FHOD3: variants seen among roughly 807,000 people sequenced by gnomAD.
The protein encoded by FHOD3 is FH1/FH2 domain-containing protein 3.
FHOD3 carries 90 observed loss-of-function variants against 173.0 expected under a neutral mutation model. The observed-to-expected ratio is 0.52, with a 90% CI of 0.44 to 0.62. FHOD3 has a LOEUF of 0.62. FHOD3 is among the 20% of genes least tolerant of loss of function. The pLI is 0.00. For missense variants in FHOD3, 1,945 were observed against 2,034.7 expected (o/e 0.96, Z 0.85); for synonymous variants, 828 against 823.0 (o/e 1.01, Z -0.10).
intron 19 of FHOD3, among the ~76,000 whole-genome samples, chr18:36,723,511 A>G (rs138716010): frequency 6.6e-6 from 1 of 152,132 alleles, no homozygotes; most frequent in African/African-American, 2.4e-5. Context: ...CATCCTTGTA[A>G]CTGTCACTTT....
At chr18:36,762,932 CATTATATATAATATGT>C in intron 27 of FHOD3, among the ~76,000 whole-genome samples, 1 of 145,252 alleles carries the variant, frequency 6.9e-6, no homozygotes, top group Non-Finnish European at 1.5e-5. Context: ...GTATTATATA[CATTATATATAATATGT>C]GTATTATATA....
chr18:36,709,223 C>T lies in FHOD3; in HGVS notation c.2365C>T (p.Gln789Ter). The change falls in exon 18 of 29, where the codon CAG (glutamine) becomes TAG (stop). Residue 789 changes from glutamine (Q) to a stop codon, truncating the protein, a stop_gained. Coordinates refer to ENST00000590592, the MANE Select transcript of FHOD3 (RefSeq NM_001281740.3). LOFTEE classifies it high-confidence loss of function. ...AHEGAETEVEQALEQEPEERA... is the reference protein window; with the variant it reads ...AHEGAETEVE ...CGAGGGTGCAGAGACTGAAGTGGAG[C>T]AGGCACTAGAGCAAGAGCCGGAAGA... 1.9e-6 allele frequency: 3 copies of T among 1,614,156 alleles called. No homozygotes were observed. The highest frequency in any genetic ancestry group is 2.5e-6 in the Non-Finnish European group (3 of 1,180,044).
At chr18:36,408,383 G>A (rs913059736) in intron 3 of FHOD3, among the ~76,000 whole-genome samples, 3 of 152,152 alleles carry the variant, frequency 2.0e-5, no homozygotes, top group Admixed American at 1.3e-4. Flanking sequence ...CATGCCCCAC[G>A]GGGAGGAGTG....
intron 1 of FHOD3, among the ~76,000 whole-genome samples, chr18:36,322,239 C>A (rs1000793365): frequency 1.3e-5 from 2 of 152,116 alleles, no homozygotes; most frequent in Admixed American, 1.3e-4. Context: ...CTGGATGGCA[C>A]AGCCCTAGAA....
At position 36,469,953 on chromosome 18, in the gene FHOD3, A is replaced by G. The variant is rs1029461413; in HGVS notation, c.338-31979A>G. On this transcript the variant is annotated intron_variant, in intron 3 of 28. Transcript: ENST00000590592. The stretch of plus-strand genomic sequence containing the variant: ...CCTGATCTATGTAATTATGGAATGC[A>G]TATGTGTGGGAAGGAGTCTTTGGAA... Among the ~76,000 whole-genome samples the G allele has an allele frequency of 3.3e-5, 5 of 152,322 alleles. No homozygotes were observed. The East Asian group carries it at 9.6e-4, about 29-fold the overall frequency.
At chr18:36,701,209 T>G (rs1236307802) in intron 17 of FHOD3, among the ~76,000 whole-genome samples, 1 of 152,136 alleles carries the variant, frequency 6.6e-6, no homozygotes. Context: ...AGGAAGAAAT[T>G]TATTACATGA....
chr18:36,376,710 C>T (rs1452729768), intron 3 of FHOD3, among the ~76,000 whole-genome samples: 16 of 152,210 alleles, frequency 1.1e-4, no homozygotes, highest in Non-Finnish European at 1.5e-5. Flanking sequence ...TGCCAGTTTC[C>T]AGCAACAGAA....
intron 14 of FHOD3, among the ~76,000 whole-genome samples, chr18:36,674,069 A>G (rs528010288): frequency 5.9e-5 from 9 of 152,328 alleles, no homozygotes; most frequent in Admixed American, 2.6e-4. Flanking sequence ...ATTGATTTCC[A>G]CTGTGATTTC....
chr18:36,483,709 G>A (rs56281475), intron 3 of FHOD3, among the ~76,000 whole-genome samples: 11,796 of 152,262 alleles, frequency 0.077, 532 homozygotes, highest in East Asian at 0.22. Flanking sequence ...ATGTGCCTCT[G>A]CAACCTTTCT....
intron 6 of FHOD3, among the ~76,000 whole-genome samples, chr18:36,588,052 C>T (rs1182567374): frequency 6.6e-6 from 1 of 152,228 alleles, no homozygotes; most frequent in East Asian, 1.9e-4. Flanking sequence ...CACACTCTCC[C>T]TTGAAGGACA....
chr18:36,598,185 G>T (rs1410536936), intron 7 of FHOD3, among the ~76,000 whole-genome samples: 1 of 152,178 alleles, frequency 6.6e-6, no homozygotes, highest in African/African-American at 2.4e-5. Flanking sequence ...ACTTCTCAAA[G>T]TGGCTTTAGA....
At chr18:36,456,855 A>C (rs919752839) in intron 3 of FHOD3, among the ~76,000 whole-genome samples, 7 of 152,144 alleles carry the variant, frequency 4.6e-5, no homozygotes, top group Non-Finnish European at 8.8e-5. Context: ...CCACAGTGCC[A>C]TTTAGTGCTG....
intron 9 of FHOD3, among the ~76,000 whole-genome samples, chr18:36,613,960 A>G (rs1329112845): frequency 6.6e-6 from 1 of 152,162 alleles, no homozygotes; most frequent in Non-Finnish European, 1.5e-5. Context: ...AGTGTGAGCC[A>G]CTGTGCCTGA....
intron 20 of FHOD3, among the ~76,000 whole-genome samples, chr18:36,733,687 G>A (rs1354381591): frequency 6.6e-6 from 1 of 152,190 alleles, no homozygotes; most frequent in East Asian, 1.9e-4. Flanking sequence ...ATCCAGGAAG[G>A]AATAATTACA....
intron 14 of FHOD3, among the ~76,000 whole-genome samples, chr18:36,669,755 T>C (rs948553590): frequency 6.6e-6 from 1 of 151,978 alleles, no homozygotes; most frequent in Non-Finnish European, 1.5e-5. Context: ...TACATTGTTA[T>C]TATGTCTGCT....
intron 3 of FHOD3, among the ~76,000 whole-genome samples, chr18:36,415,609 G>C (rs1017126168): frequency 6.6e-6 from 1 of 152,206 alleles, no homozygotes; most frequent in Non-Finnish European, 1.5e-5. Flanking sequence ...TTAATTGGTT[G>C]ATTATTTTAA....
intron 24 of FHOD3, among the ~76,000 whole-genome samples, chr18:36,753,477 G>A (rs2150182180): frequency 6.6e-6 from 1 of 152,270 alleles, no homozygotes; most frequent in East Asian, 1.9e-4. Context: ...ATGGACATTT[G>A]GGTTGTTTCC....
intron 1 of FHOD3, among the ~76,000 whole-genome samples, chr18:36,353,928 A>G (rs1039577217): frequency 7.0e-6 from 1 of 143,758 alleles, no homozygotes; most frequent in African/African-American, 2.6e-5. Context: ...CTAGGTTTCA[A>G]GGTCTCCTCT....
chr18:36,473,488 T>G (rs2053395143), intron 3 of FHOD3, among the ~76,000 whole-genome samples: 1 of 152,192 alleles, frequency 6.6e-6, no homozygotes, highest in African/African-American at 2.4e-5. Context: ...TCCTGATCCC[T>G]GGGTGATGAG....
Sources: allele counts gnomAD v4.1 joint callset (sites outside exome capture counted in the v4.1 genomes callset), GRCh38; gene constraint gnomAD v4.1.1; transcripts MANE v1.5; gene names NCBI Gene and HGNC (gene_info 2026-07-23, HGNC 2026-07-21).